The following ITPKB variants were observed in gnomAD, a reference collection of about 807,000 sequenced individuals.
ITPKB encodes IP3 3-kinase B.
In ITPKB, 13 loss-of-function variants were observed where a neutral mutation model predicts 69.4. The observed-to-expected ratio is 0.19, with a 90% CI of 0.12 to 0.30. The LOEUF is 0.30. Among genes scored for constraint, ITPKB ranks in the 10% least tolerant of loss-of-function variants. The pLI, the probability that ITPKB is intolerant of heterozygous loss-of-function variation, is 1.00. For missense variants in ITPKB, 1,240 were observed against 1,250.5 expected, an observed-to-expected ratio of 0.99 and a Z score of 0.13; for synonymous variants, 584 against 513.7, an observed-to-expected ratio of 1.14 and a Z score of -1.85.
intron 2 of ITPKB, among the ~76,000 whole-genome samples, chr1:226,705,422 G>A (rs576367085): frequency 1.3e-5 from 2 of 152,138 alleles, no homozygotes; most frequent in Admixed American, 1.3e-4. Flanking sequence ...CCAGCTACTC[G>A]GGAGGCTGAA....
At position 226,736,170 on chromosome 1, in the gene ITPKB, G is replaced by T. The variant is rs374372124; in HGVS notation, c.1289C>A (p.Ala430Asp). The T allele has an allele frequency of 9.7e-6, 15 of 1,551,084 alleles. No individual in the cohort carries two copies. Among genetic ancestry groups the T allele is most frequent in the Non-Finnish European group, 1.3e-5 (15 of 1,149,368 alleles). Residue 430 changes from alanine (A) to aspartate (D), a missense_variant, in exon 2 of 8, where the codon GCC (alanine) becomes GAC (aspartate). Ala to Asp is a moderately radical substitution (Grantham distance 126). Transcript: ENST00000429204. ...CTGCCAACGCCCCCCGCCCACGGGGGCCCCACTTCGGGCCTCCTCAGGGCC... is the reference window on the plus strand; with the variant it reads ...CTGCCAACGCCCCCCGCCCACGGGGTCCCCACTTCGGGCCTCCTCAGGGCC... ...SVGPEEARSG[A>D]PVGGGRWQLS... is the part of the protein sequence containing the mutation.
At chr1:226,672,787 G>A (rs1229537742) in intron 2 of ITPKB, among the ~76,000 whole-genome samples, 1 of 152,212 alleles carries the variant, frequency 6.6e-6, no homozygotes, top group Admixed American at 6.5e-5. Flanking sequence ...TCTCCTGGGA[G>A]GTGTTATCAC....
intron 2 of ITPKB, among the ~76,000 whole-genome samples, chr1:226,671,959 G>T (rs1179418665): frequency 6.6e-6 from 1 of 152,160 alleles, no homozygotes; most frequent in Non-Finnish European, 1.5e-5. Flanking sequence ...CTGCTGGAGG[G>T]TTTTGAGTGA....
intron 2 of ITPKB, among the ~76,000 whole-genome samples, chr1:226,667,482 C>T (rs1027660492): frequency 1.3e-5 from 2 of 152,170 alleles, no homozygotes; most frequent in Non-Finnish European, 2.9e-5. Flanking sequence ...AGGCCAAGAA[C>T]CAGAGGCAGC....
chr1:226,725,518 C>T (rs1053398195), intron 2 of ITPKB, among the ~76,000 whole-genome samples: 4 of 152,218 alleles, frequency 2.6e-5, no homozygotes, highest in Non-Finnish European at 5.9e-5. Context: ...TTTCACTTTC[C>T]ATGACACAGA....
chr1:226,700,251 A>G (rs1467924905), intron 2 of ITPKB, among the ~76,000 whole-genome samples: 2 of 152,124 alleles, frequency 1.3e-5, no homozygotes, highest in Admixed American at 6.5e-5. Context: ...CAGGCGGATC[A>G]CAAGGTCAGG....
Position 226,736,702 on chromosome 1 carries a change from C to T in ITPKB, c.757G>A (p.Ala253Thr), listed in dbSNP as rs766050198. 3.1e-6 allele frequency: 5 copies of T among 1,612,830 alleles called. No individual in the cohort carries two copies. In the South Asian group the frequency reaches 5.5e-5, roughly 18 times the overall value. ...PTGSEAQGPSAFVRMEKGIPA... is the reference protein window; with the variant it reads ...PTGSEAQGPSTFVRMEKGIPA... ...ATACCCTTCTCCATCCTTACAAAAG[C>T]GGATGGACCCTGAGCCTCTGATCCT... is the stretch of plus-strand genomic sequence containing the variant. The change falls in exon 2 of 8, where the codon GCT (alanine) becomes ACT (threonine). Residue 253 changes from alanine (A) to threonine (T), a missense_variant. Ala to Thr is a moderately conservative substitution (Grantham distance 58). Coordinates refer to ENST00000429204, the MANE Select transcript of ITPKB (RefSeq NM_002221.4).
intron 2 of ITPKB, among the ~76,000 whole-genome samples, chr1:226,704,446 G>A (rs189751357): frequency 1.3e-5 from 2 of 152,320 alleles, no homozygotes; most frequent in Non-Finnish European, 1.5e-5. Context: ...GTGTGCTAAT[G>A]AAGATGTGTG....
chr1:226,681,471 G>A (rs1656092735), intron 2 of ITPKB, among the ~76,000 whole-genome samples: 2 of 152,170 alleles, frequency 1.3e-5, no homozygotes, highest in South Asian at 2.1e-4. Flanking sequence ...CCTGGCAAGG[G>A]CACAGAGTTG....
In ITPKB at chr1:226,642,129, C is replaced by T. The variant is rs534711357; in HGVS notation, c.2247-4G>A. The T allele has an allele frequency of 6.2e-6, 10 of 1,611,198 alleles. No individual in the cohort carries two copies. Among genetic ancestry groups the T allele is most frequent in the Middle Eastern group, 3.3e-4 (2 of 6,048 alleles). On this transcript the variant is annotated splice_polypyrimidine_tract_variant and splice_region_variant and intron_variant, in intron 4 of 7. Transcript: ENST00000429204. The surrounding 1 kb of genome is among the most constrained non-coding windows in gnomAD (Gnocchi z 6.4). ...GAGCTCCTCCTCCAGGTAGGTCCTA[C>T]GTGGGAGGGAAGGCGACATGAGGGC...
intron 4 of ITPKB, among the ~76,000 whole-genome samples, chr1:226,645,396 T>C (rs531513406): frequency 1.1e-4 from 17 of 152,190 alleles, no homozygotes; most frequent in Admixed American, 2.6e-4. Context: ...GCTGCGGAAG[T>C]CAAGCGGCTG....
At chr1:226,639,517 G>C in intron 6 of ITPKB, 40 bp downstream of exon 6, 1 of 1,334,620 alleles carries the variant, frequency 7.5e-7, no homozygotes, top group African/African-American at 1.4e-5. Context: ...GTCCCTCCCT[G>C]GCTGGCTGGA....
At chr1:226,696,364 G>T (rs1287919063) in intron 2 of ITPKB, among the ~76,000 whole-genome samples, 1 of 151,806 alleles carries the variant, frequency 6.6e-6, no homozygotes, top group African/African-American at 2.4e-5. Flanking sequence ...TCTCAACACA[G>T]ATGCTTGGCC....
At chr1:226,681,834 A>C (rs566353667) in intron 2 of ITPKB, among the ~76,000 whole-genome samples, 1 of 152,186 alleles carries the variant, frequency 6.6e-6, no homozygotes, top group South Asian at 2.1e-4. Context: ...CCTCCTCCAA[A>C]ACAAATGCCT....
chr1:226,663,783 C>A (rs553853672), intron 2 of ITPKB, among the ~76,000 whole-genome samples: 2 of 152,310 alleles, frequency 1.3e-5, no homozygotes, highest in Admixed American at 1.3e-4. Flanking sequence ...ATCCACCCCC[C>A]ACGGCCTCTC....
Position 226,632,795 on chromosome 1 carries a change from T to G in ITPKB, c.*1876A>C, listed in dbSNP as rs1160449401. ...TGCTTTAGCAAACTTCTTTCACAGA[T>G]GGAGTAAGGATAACTTTTGGCCAGT... is the stretch of plus-strand genomic sequence containing the variant. On this transcript the variant is annotated 3_prime_UTR_variant, in exon 8 of 8. Transcript: ENST00000429204. 1 of 152,682 alleles carries G rather than the reference T, an allele frequency of 6.5e-6. No individual in the cohort carries two copies. Among genetic ancestry groups the G allele is most frequent in the Admixed American group, 6.5e-5 (1 of 15,290 alleles). The allele number at this position is 152,682 out of a possible 1,614,324, so 9.5% of individuals were successfully genotyped here.
intron 2 of ITPKB, among the ~76,000 whole-genome samples, chr1:226,716,508 C>T (rs566577019): frequency 4.3e-4 from 65 of 152,238 alleles, no homozygotes; most frequent in African/African-American, 1.4e-3. Flanking sequence ...GCACCTATAA[C>T]CCATCACCTA....
At chr1:226,680,263 G>A (rs955180638) in intron 2 of ITPKB, among the ~76,000 whole-genome samples, 6 of 152,206 alleles carry the variant, frequency 3.9e-5, no homozygotes, top group African/African-American at 1.4e-4. Flanking sequence ...ATGGGGCGGG[G>A]CACACCCAGC....
chr1:226,673,266 C>T (rs780367568), intron 2 of ITPKB, among the ~76,000 whole-genome samples: 1 of 151,934 alleles, frequency 6.6e-6, no homozygotes, highest in Non-Finnish European at 1.5e-5. Flanking sequence ...CCCAGCTACT[C>T]GGGAGGCTGA....
Sources: allele counts gnomAD v4.1 joint callset (sites outside exome capture counted in the v4.1 genomes callset), GRCh38; gene constraint gnomAD v4.1.1; non-coding constraint Gnocchi (gnomAD v3.1); transcripts MANE v1.5; gene names NCBI Gene and HGNC (gene_info 2026-07-23, HGNC 2026-07-21).